MYOF: variants seen among roughly 807,000 people sequenced by gnomAD.
The protein encoded by MYOF is fer-1-like 3, myoferlin.
Under a neutral mutation model 284.2 loss-of-function variants are expected in MYOF, and 244 were observed. The ratio of observed to expected loss-of-function variants is 0.86; its 90% CI spans 0.77 to 0.95. The LOEUF is 0.95. MYOF is among the 40% of genes least tolerant of loss of function. MYOF has a pLI of 0.00. For missense variants in MYOF, 2,496 were observed against 2,560.6 expected (o/e 0.97, Z 0.54); for synonymous variants, 904 against 919.7 (o/e 0.98, Z 0.31).
At chr10:93,335,404 T>C (rs1278076570) in intron 41 of MYOF, among the ~76,000 whole-genome samples, 1 of 152,110 alleles carries the variant, frequency 6.6e-6, no homozygotes, top group Admixed American at 6.5e-5. Context: ...AGCCTTTCAG[T>C]AGTCCAGAGA....
At chr10:93,431,024 CTT>C (rs113713765) in intron 4 of MYOF, among the ~76,000 whole-genome samples, 6 of 117,836 alleles carry the variant, frequency 5.1e-5, no homozygotes, top group Non-Finnish European at 3.6e-5. Flanking sequence ...TTTTTCTTTT[CTT>C]TTTTTTTTTT....
intron 19 of MYOF, among the ~76,000 whole-genome samples, chr10:93,386,529 G>T (rs1846373442): frequency 6.6e-6 from 1 of 152,220 alleles, no homozygotes. Context: ...GTGATGCTAG[G>T]TTCCTTCCTG....
chr10:93,379,878 A>G lies in MYOF; in HGVS notation c.1986T>C (p.Ala662=), dbSNP rs780389546. 5 of 1,613,914 alleles carry G rather than the reference A, an allele frequency of 3.1e-6. No homozygotes were observed. Among genetic ancestry groups the G allele is most frequent in the East Asian group, 2.2e-5 (1 of 44,892 alleles). ...AGAAACTTACCAGCCGTTCTGCCAT[A>G]GCTAGGAGAGTGTTCACCGCATCCA... ...HRLDAVNTLL[A]MAERLQTNIE... is the part of the protein sequence containing the mutation. The change falls in exon 21 of 54, where the codon GCT becomes GCC. Residue 662 remains alanine, a synonymous_variant. Coordinates refer to ENST00000359263, the MANE Select transcript of MYOF (RefSeq NM_013451.4).
In MYOF at chr10:93,325,957, T is replaced by G; in HGVS notation, c.5140A>C (p.Lys1714Gln). Reference protein sequence around the residue: ...DYSLDEFEANKILHQHLGAPE... With the variant: ...DYSLDEFEANQILHQHLGAPE... ...GCCCCGAGGTGCTGGTGCAGGATTT[T>G]GTTGGCTTCTGCAATGGAAAGCAGC... Residue 1714 changes from lysine to glutamine, a missense_variant, in exon 46 of 54, where the codon AAA becomes CAA. By Grantham distance (53) the Lys-to-Gln change is moderately conservative. Around this residue, in one of 3 missense-constraint regions of MYOF, gnomAD observed 2,436 missense variants for 2,480.7 expected, o/e 0.98. Transcript: ENST00000359263. 6.2e-7 allele frequency: 1 copy of G among 1,614,040 alleles called. No homozygotes were observed. The highest frequency in any genetic ancestry group is 2.2e-5 in the East Asian group (1 of 44,878).
chr10:93,371,135 A>ATGAT (rs1476037988), intron 24 of MYOF, among the ~76,000 whole-genome samples: 2 of 152,212 alleles, frequency 1.3e-5, no homozygotes, highest in Admixed American at 6.5e-5. Context: ...AATTTTCCAA[A>ATGAT]TGATTGTACA....
intron 36 of MYOF, among the ~76,000 whole-genome samples, chr10:93,348,689 G>A (rs1844359318): frequency 6.6e-6 from 1 of 152,058 alleles, no homozygotes. Flanking sequence ...GGGGAGCATG[G>A]GCATTGGGGT....
chr10:93,450,978 G>A lies in MYOF; in HGVS notation c.236+1072C>T, dbSNP rs537242938. The stretch of plus-strand genomic sequence containing the variant: ...TGAAGGAAAATTCATGGGTTGGAGG[G>A]TAGAAATGCCCTGTCACTAGGCAAT... On this transcript the variant is annotated intron_variant, in intron 3 of 53. Coordinates refer to ENST00000359263, the MANE Select transcript of MYOF (RefSeq NM_013451.4). 1.6e-4 allele frequency among the ~76,000 whole-genome samples: 24 copies of A among 152,280 alleles called. No individual in the cohort carries two copies. The South Asian group carries it at 4.6e-3, about 29-fold the overall frequency.
intron 43 of MYOF, among the ~76,000 whole-genome samples, chr10:93,330,536 C>T (rs1406653145): frequency 6.6e-6 from 1 of 152,212 alleles, no homozygotes; most frequent in African/African-American, 2.4e-5. Flanking sequence ...CCCAGACCCA[C>T]TGGGTATGCC....
intron 1 of MYOF, among the ~76,000 whole-genome samples, chr10:93,474,900 C>G (rs2057226550): frequency 6.6e-6 from 1 of 152,168 alleles, no homozygotes; most frequent in African/African-American, 2.4e-5. Context: ...GTGCCCACCA[C>G]CATGCCTGGC....
intron 46 of MYOF, chr10:93,324,218 C>T (rs1254643491): frequency 6.6e-6 from 1 of 152,250 alleles, no homozygotes; most frequent in Non-Finnish European, 1.5e-5. Context: ...ATTCTTCAAA[C>T]TGTTTTTGAG....
intron 1 of MYOF, among the ~76,000 whole-genome samples, chr10:93,476,011 T>C (rs2057252071): frequency 6.6e-6 from 1 of 152,160 alleles, no homozygotes; most frequent in Non-Finnish European, 1.5e-5. Context: ...GGGATGGGAA[T>C]GACTCAGGAG....
chr10:93,362,740 G>A (rs1158036611), intron 27 of MYOF, among the ~76,000 whole-genome samples: 1 of 152,166 alleles, frequency 6.6e-6, no homozygotes, highest in Admixed American at 6.5e-5. Context: ...TTTAAATTAA[G>A]AGAGTGAAAA....
chr10:93,452,058 T>C lies in MYOF; in HGVS notation c.228A>G (p.Gly76=), dbSNP rs1408871444. The change falls in exon 3 of 54, where the codon GGA becomes GGG. Residue 76 remains glycine, a synonymous_variant. Transcript: ENST00000359263. ...AGGTGAAAACAACTTACTTATTTTG[T>C]CCAATTGTCTCAAAATCTTTCACAA... ...GIIVKDFETI[G]QNKLIGTATV... is the part of the protein sequence containing the mutation. The C allele has an allele frequency of 6.2e-7, 1 of 1,609,970 alleles. No homozygotes were observed. The highest frequency in any genetic ancestry group is 1.1e-5 in the South Asian group (1 of 90,612).
chr10:93,332,649 C>A (rs528987266), intron 43 of MYOF, among the ~76,000 whole-genome samples: 2 of 151,710 alleles, frequency 1.3e-5, no homozygotes, highest in African/African-American at 4.8e-5. Context: ...ATTGAGACCA[C>A]CCTGGCTAAC....
At chr10:93,348,663 T>A (rs1041280708) in intron 36 of MYOF, among the ~76,000 whole-genome samples, 5 of 140,666 alleles carry the variant, frequency 3.6e-5, no homozygotes, top group Non-Finnish European at 6.3e-5. Flanking sequence ...GCTCGCCGTC[T>A]GTCGCATGAT....
chr10:93,355,902 T>C (rs1239138648), intron 30 of MYOF, among the ~76,000 whole-genome samples, 166 bp from the exon 31 acceptor site: 1 of 152,172 alleles, frequency 6.6e-6, no homozygotes, highest in Non-Finnish European at 1.5e-5. Flanking sequence ...GGATAGCAAG[T>C]GACTTCCCTG....
intron 19 of MYOF, among the ~76,000 whole-genome samples, chr10:93,384,266 A>C (rs1401974505): frequency 1.3e-5 from 2 of 152,210 alleles, no homozygotes; most frequent in Admixed American, 6.5e-5. Flanking sequence ...AAAGAGGTAG[A>C]GAGAGGAAGG....
chr10:93,458,035 C>T lies in MYOF; in HGVS notation c.89-1098G>A, dbSNP rs111475602. Among the ~76,000 whole-genome samples, 361 of 152,016 alleles carry T rather than the reference C, an allele frequency of 2.4e-3. 2 individuals are homozygous for T. Among genetic ancestry groups the T allele is most frequent in the African/African-American group, 7.9e-3 (326 of 41,464 alleles). ...CTGGGATTACAGGTATGAGCCACTGCGCCCGGCATTCATCTAATCTTAAAA... is the reference window on the plus strand; with the variant it reads ...CTGGGATTACAGGTATGAGCCACTGTGCCCGGCATTCATCTAATCTTAAAA... On this transcript the variant is annotated intron_variant, in intron 1 of 53. Transcript: ENST00000359263.
Position 93,356,727 on chromosome 10 carries a change from G to A in MYOF, c.3242C>T (p.Ala1081Val), listed in dbSNP as rs1480179186. Residue 1081 changes from alanine to valine, a missense_variant, in exon 30 of 54, where the codon GCT becomes GTT. Around this residue, in one of 3 missense-constraint regions of MYOF, gnomAD observed 2,436 missense variants for 2,480.7 expected, o/e 0.98. Transcript: ENST00000359263. ...FRRRRWRRKM[A>V]PSETHGAAAI... Reference sequence around the variant, plus strand: ...AGCTGCACCATGTGTTTCTGAAGGAGCCATTTTTCTCCTCCAGCGTCTGCG... The same window carrying A: ...AGCTGCACCATGTGTTTCTGAAGGAACCATTTTTCTCCTCCAGCGTCTGCG... 1 of 1,614,012 alleles carries A rather than the reference G, an allele frequency of 6.2e-7. No homozygotes were observed. Among genetic ancestry groups the A allele is most frequent in the East Asian group, 2.2e-5 (1 of 44,890 alleles).
Sources: allele counts gnomAD v4.1 joint callset (sites outside exome capture counted in the v4.1 genomes callset), GRCh38; gene constraint gnomAD v4.1.1; regional missense constraint gnomAD v4.1.1; transcripts MANE v1.5; gene names NCBI Gene and HGNC (gene_info 2026-07-23, HGNC 2026-07-21).